HBQ1: variants seen among roughly 807,000 people sequenced by gnomAD.
The protein encoded by HBQ1 is hemoglobin subunit theta-1.
A neutral mutation model predicts 8.2 loss-of-function variants in HBQ1; 9 were observed. That is an observed-to-expected ratio of 1.10 (90% confidence interval 0.66 to 1.92). HBQ1 has a LOEUF of 1.92. Among genes scored for constraint, HBQ1 ranks in the 40% most tolerant of loss-of-function variants. The probability of loss-of-function intolerance (pLI) is 0.00; values close to 1 mark genes in which losing one functional copy is unlikely to be tolerated. For missense variants in HBQ1, 216 were observed against 189.3 expected, an observed-to-expected ratio of 1.14 and a Z score of -0.83; for synonymous variants, 102 against 100.0, an observed-to-expected ratio of 1.02 and a Z score of -0.12.
In HBQ1 at chr16:181,152, T is replaced by C. The variant is rs1245841263; in HGVS notation, c.*44T>C. ...CGGGATCCCCAGGCGACCTTCCCCGTGTTTGAGTAAAGCCTCTCCCAGGAG... is the reference window on the plus strand; with the variant it reads ...CGGGATCCCCAGGCGACCTTCCCCGCGTTTGAGTAAAGCCTCTCCCAGGAG... On this transcript the variant is annotated 3_prime_UTR_variant, in exon 3 of 3. Transcript: ENST00000199708. 8 of 1,607,730 alleles carry C rather than the reference T, an allele frequency of 5.0e-6. No individual in the cohort carries two copies. The highest frequency in any genetic ancestry group is 6.0e-6 in the Non-Finnish European group (7 of 1,176,438).
chr16:180,468 G>T lies in HBQ1; in HGVS notation c.-19G>T. On this transcript the variant is annotated 5_prime_UTR_variant, in exon 1 of 3. Coordinates refer to ENST00000199708, the MANE Select transcript of HBQ1 (RefSeq NM_005331.5). Reference sequence around the variant, plus strand: ...CAGGCGCAGCGGGGTCGCAGGGCGCGGCGGGTTCCAGCGCGGGGATGGCGC... The same window carrying T: ...CAGGCGCAGCGGGGTCGCAGGGCGCTGCGGGTTCCAGCGCGGGGATGGCGC... 1.4e-6 allele frequency: 2 copies of T among 1,454,552 alleles called. No individual in the cohort carries two copies. Among genetic ancestry groups the T allele is most frequent in the East Asian group, 2.8e-5 (1 of 35,754 alleles). The allele number at this position is 1,454,552 out of a possible 1,614,324, so 90.1% of individuals were successfully genotyped here. A position where few individuals can be genotyped will look rare whatever the true frequency, so the allele number is the denominator to read the frequency against.
chr16:180,566 C>CA lies in HBQ1; in HGVS notation c.81dup (p.Glu28ArgfsTer133). 1 of 1,541,392 alleles carries CA rather than the reference C, an allele frequency of 6.5e-7. No homozygotes were observed. Among genetic ancestry groups the CA allele is most frequent in the East Asian group, 2.4e-5 (1 of 40,830 alleles). ...GGCAGCAACGTCGGCGTCTACACGA[C>CA]AGAGGCCCTGGAAAGGTGCGGCAGG... On this transcript the variant is annotated frameshift_variant, in exon 1 of 3. Transcript: ENST00000199708. LOFTEE classifies it high-confidence loss of function.
In HBQ1 at chr16:180,597, C is replaced by A. The variant is rs2142023571; in HGVS notation, c.95+16C>A. Reference sequence around the variant, plus strand: ...CCCTGGAAAGGTGCGGCAGGCTGGGCGCCCCCGCCCCCAGGGGCCCTCCCT... The same window carrying A: ...CCCTGGAAAGGTGCGGCAGGCTGGGAGCCCCCGCCCCCAGGGGCCCTCCCT... On this transcript the variant is annotated intron_variant, in intron 1 of 2. Coordinates refer to ENST00000199708, the MANE Select transcript of HBQ1 (RefSeq NM_005331.5). 1 of 1,533,256 alleles carries A rather than the reference C, an allele frequency of 6.5e-7. No homozygotes were observed. Among genetic ancestry groups the A allele is most frequent in the Non-Finnish European group, 8.8e-7 (1 of 1,139,278 alleles). The allele number at this position is 1,533,256 out of a possible 1,614,324, so 95.0% of individuals were successfully genotyped here.
rs1179566391 is a variant in HBQ1, at chr16:181,029, A to G, written c.350A>G (p.Asp117Gly). ...LVTLARHYPG[D>G]FSPALQASLD... ...ACCCTCGCCCGGCACTACCCCGGAG[A>G]CTTCAGCCCCGCGCTGCAGGCGTCG... The change falls in exon 3 of 3, where the codon GAC becomes GGC. Residue 117 changes from aspartate to glycine, a missense_variant. Coordinates refer to ENST00000199708, the MANE Select transcript of HBQ1 (RefSeq NM_005331.5). 6.2e-7 allele frequency: 1 copy of G among 1,612,804 alleles called. No individual in the cohort carries two copies.
Position 180,848 on chromosome 16 carries a change from G to A in HBQ1, c.278G>A (p.Arg93Gln). The stretch of plus-strand genomic sequence containing the variant: ...AGCCACCTGCACGCGTGCCAGCTGC[G>A]AGTGGACCCGGCCAGCTTCCAGGTG... ...ALSHLHACQL[R>Q]VDPASFQLLG... The change falls in exon 2 of 3, where the codon CGA (arginine) becomes CAA (glutamine). Residue 93 changes from arginine to glutamine, a missense_variant. Arg to Gln is a conservative substitution (Grantham distance 43). Coordinates refer to ENST00000199708, the MANE Select transcript of HBQ1 (RefSeq NM_005331.5). The A allele has an allele frequency of 2.6e-6, 4 of 1,540,762 alleles. No individual in the cohort carries two copies. Among genetic ancestry groups the A allele is most frequent in the Non-Finnish European group, 3.5e-6 (4 of 1,146,920 alleles).
chr16:180,933 G>A (rs759851149), intron 2 of HBQ1, 47 bp from the exon 3 acceptor site: 4 of 1,518,208 alleles, frequency 2.6e-6, no homozygotes, highest in African/African-American at 1.4e-5. Flanking sequence ...GGTGCGGGGG[G>A]CGTGCGGGGC....
chr16:181,006 C>A lies in HBQ1; in HGVS notation c.327C>A (p.Thr109=). Residue 109 remains threonine (T), a synonymous_variant, in exon 3 of 3, where the codon ACC becomes ACA. Coordinates refer to ENST00000199708, the MANE Select transcript of HBQ1 (RefSeq NM_005331.5). ...FQLLGHCLLV[T]LARHYPGDFS... is the part of the protein sequence containing the mutation. ...TCCTGGGCCACTGCCTGCTGGTAAC[C>A]CTCGCCCGGCACTACCCCGGAGACT... 6.2e-7 allele frequency: 1 copy of A among 1,611,932 alleles called. No individual in the cohort carries two copies. Among genetic ancestry groups the A allele is most frequent in the Non-Finnish European group, 8.5e-7 (1 of 1,179,596 alleles).
At chr16:180,907 G>T in intron 2 of HBQ1, 37 bp downstream of exon 2, 1 of 1,508,700 alleles carries the variant, frequency 6.6e-7, no homozygotes, top group South Asian at 1.3e-5. Context: ...GTCCCCGGGA[G>T]GGCCCCGGCG....
chr16:181,063 G>C lies in HBQ1; in HGVS notation c.384G>C (p.Lys128Asn). 6.2e-7 allele frequency: 1 copy of C among 1,613,498 alleles called. No individual in the cohort carries two copies. The highest frequency in any genetic ancestry group is 8.5e-7 in the Non-Finnish European group (1 of 1,179,918). The change falls in exon 3 of 3, where the codon AAG (lysine) becomes AAC (asparagine). Residue 128 changes from lysine (K) to asparagine (N), a missense_variant. Coordinates refer to ENST00000199708, the MANE Select transcript of HBQ1 (RefSeq NM_005331.5). ...CCGCGCTGCAGGCGTCGCTGGACAAGTTCCTGAGCCACGTTATCTCGGCGC... is the reference window on the plus strand; with the variant it reads ...CCGCGCTGCAGGCGTCGCTGGACAACTTCCTGAGCCACGTTATCTCGGCGC... ...FSPALQASLD[K>N]FLSHVISALV...
Position 181,020 on chromosome 16 carries a change from A to AC in HBQ1, c.345dup (p.Gly116ArgfsTer45). 3 of 1,609,582 alleles carry AC rather than the reference A, an allele frequency of 1.9e-6. No homozygotes were observed. The highest frequency in any genetic ancestry group is 2.5e-6 in the Non-Finnish European group (3 of 1,177,048). ...CTGCTGGTAACCCTCGCCCGGCACT[A>AC]CCCCGGAGACTTCAGCCCCGCGCTG... On this transcript the variant is annotated frameshift_variant, in exon 3 of 3. Coordinates refer to ENST00000199708, the MANE Select transcript of HBQ1 (RefSeq NM_005331.5). LOFTEE classifies it low-confidence loss of function (END_TRUNC).
rs1341391742 is a variant in HBQ1 at position 180,835 on chromosome 16, G to C, written c.265G>C (p.Ala89Pro). 1.9e-6 allele frequency: 3 copies of C among 1,546,070 alleles called. No homozygotes were observed. Among genetic ancestry groups the C allele is most frequent in the South Asian group, 1.2e-5 (1 of 85,196 alleles). ...HALSALSHLHACQLRVDPASF... is the reference protein window; with the variant it reads ...HALSALSHLHPCQLRVDPASF... ...GCTGTCCGCGCTGAGCCACCTGCAC[G>C]CGTGCCAGCTGCGAGTGGACCCGGC... Residue 89 changes from alanine to proline, a missense_variant, in exon 2 of 3, where the codon GCG (alanine) becomes CCG (proline). Physicochemically the swap from Ala to Pro is conservative, Grantham distance 27 (BLOSUM62 -1). Coordinates refer to ENST00000199708, the MANE Select transcript of HBQ1 (RefSeq NM_005331.5).
rs529280017 is a variant in HBQ1 at position 180,564 on chromosome 16, G to T, written c.78G>T (p.Thr26=). ...TGGGCAGCAACGTCGGCGTCTACAC[G>T]ACAGAGGCCCTGGAAAGGTGCGGCA... ...KKLGSNVGVY[T]TEALERTFLA... is the part of the protein sequence containing the mutation. Residue 26 remains threonine, a synonymous_variant, in exon 1 of 3, where the codon ACG becomes ACT. Transcript: ENST00000199708. 4 of 1,541,186 alleles carry T rather than the reference G, an allele frequency of 2.6e-6. No individual in the cohort carries two copies. The highest frequency in any genetic ancestry group is 1.4e-5 in the African/African-American group (1 of 72,860).
Position 181,076 on chromosome 16 carries a change from G to T in HBQ1, c.397G>T (p.Val133Phe). The T allele has an allele frequency of 6.2e-7, 1 of 1,613,470 alleles. No homozygotes were observed. Among genetic ancestry groups the T allele is most frequent in the Non-Finnish European group, 8.5e-7 (1 of 1,179,900 alleles). ...GTCGCTGGACAAGTTCCTGAGCCAC[G>T]TTATCTCGGCGCTGGTTTCCGAGTA... ...QASLDKFLSH[V>F]ISALVSEYR The change falls in exon 3 of 3, where the codon GTT becomes TTT. Residue 133 changes from valine (V) to phenylalanine (F), a missense_variant. By Grantham distance (50) the Val-to-Phe change is conservative. Transcript: ENST00000199708.
At position 180,807 on chromosome 16, in the gene HBQ1, C is replaced by T; in HGVS notation, c.237C>T (p.His79=). ...TGGAGCGCCTGGACGACCTACCCCA[C>T]GCGCTGTCCGCGCTGAGCCACCTGC... The part of the protein sequence containing the change: ...LAVERLDDLP[H]ALSALSHLHA... The change falls in exon 2 of 3, where the codon CAC becomes CAT. Residue 79 remains histidine, a synonymous_variant. Coordinates refer to ENST00000199708, the MANE Select transcript of HBQ1 (RefSeq NM_005331.5). 1 of 1,554,114 alleles carries T rather than the reference C, an allele frequency of 6.4e-7. No individual in the cohort carries two copies. The highest frequency in any genetic ancestry group is 1.4e-5 in the African/African-American group (1 of 73,474).
In HBQ1 at chr16:181,122, G is replaced by GGC; in HGVS notation, c.*15_*16dup. 6.2e-7 allele frequency: 1 copy of GGC among 1,612,046 alleles called. No homozygotes were observed. The highest frequency in any genetic ancestry group is 8.5e-7 in the Non-Finnish European group (1 of 1,179,368). On this transcript the variant is annotated 3_prime_UTR_variant, in exon 3 of 3. Coordinates refer to ENST00000199708, the MANE Select transcript of HBQ1 (RefSeq NM_005331.5). ...GAGTACCGCTGAACTGTGGGTGGGT[G>GGC]GCCGCGGGATCCCCAGGCGACCTTC...
rs189144293 is a variant in HBQ1 at position 180,877 on chromosome 16, G to A, written c.300+7G>A. 2.1e-4 allele frequency: 326 copies of A among 1,530,554 alleles called. 2 individuals are homozygous for A. The East Asian group carries it at 7.4e-3, about 35-fold the overall frequency. 94.8% of individuals were successfully genotyped at this position (1,530,554 alleles called of 1,614,324 possible). A position where few individuals can be genotyped will look rare whatever the true frequency, so the allele number is the denominator to read the frequency against. On this transcript the variant is annotated splice_region_variant and intron_variant, in intron 2 of 2. Coordinates refer to ENST00000199708, the MANE Select transcript of HBQ1 (RefSeq NM_005331.5). Reference sequence around the variant, plus strand: ...GGACCCGGCCAGCTTCCAGGTGAGCGGCTGCCGTGCTGGGCCCCTGTCCCC... The same window carrying A: ...GGACCCGGCCAGCTTCCAGGTGAGCAGCTGCCGTGCTGGGCCCCTGTCCCC...
At position 181,019 on chromosome 16, in the gene HBQ1, T is replaced by C; in HGVS notation, c.340T>C (p.Tyr114His). ...CCTGCTGGTAACCCTCGCCCGGCAC[T>C]ACCCCGGAGACTTCAGCCCCGCGCT... The part of the protein sequence containing the change: ...HCLLVTLARH[Y>H]PGDFSPALQA... Residue 114 changes from tyrosine (Y) to histidine (H), a missense_variant, in exon 3 of 3, where the codon TAC becomes CAC. Coordinates refer to ENST00000199708, the MANE Select transcript of HBQ1 (RefSeq NM_005331.5). 6.2e-7 allele frequency: 1 copy of C among 1,612,470 alleles called. No individual in the cohort carries two copies. Among genetic ancestry groups the C allele is most frequent in the South Asian group, 1.1e-5 (1 of 90,868 alleles).
intron 2 of HBQ1, 37 bp downstream of exon 2, chr16:180,907 G>C: frequency 1.3e-6 from 2 of 1,508,700 alleles, no homozygotes; most frequent in Non-Finnish European, 1.8e-6. Flanking sequence ...GTCCCCGGGA[G>C]GGCCCCGGCG....
At position 180,571 on chromosome 16, in the gene HBQ1, G is replaced by A. The variant is rs1415708880; in HGVS notation, c.85G>A (p.Ala29Thr). 7 of 1,541,244 alleles carry A rather than the reference G, an allele frequency of 4.5e-6. No individual in the cohort carries two copies. In the African/African-American group the frequency reaches 8.2e-5, roughly 18 times the overall value. ...GSNVGVYTTEALERTFLAFPA... is the reference protein window; with the variant it reads ...GSNVGVYTTETLERTFLAFPA... Reference sequence around the variant, plus strand: ...CAACGTCGGCGTCTACACGACAGAGGCCCTGGAAAGGTGCGGCAGGCTGGG... The same window carrying A: ...CAACGTCGGCGTCTACACGACAGAGACCCTGGAAAGGTGCGGCAGGCTGGG... The change falls in exon 1 of 3, where the codon GCC (alanine) becomes ACC (threonine). Residue 29 changes from alanine to threonine, a missense_variant. By Grantham distance (58) the Ala-to-Thr change is moderately conservative. Coordinates refer to ENST00000199708, the MANE Select transcript of HBQ1 (RefSeq NM_005331.5).
Sources: allele counts gnomAD v4.1 joint callset, GRCh38; gene constraint gnomAD v4.1.1; transcripts MANE v1.5; gene names NCBI Gene and HGNC (gene_info 2026-07-23, HGNC 2026-07-21).